AOPEP: variants seen among roughly 807,000 people sequenced by gnomAD.
AOPEP encodes the protein aminopeptidase O (putative), also known as aminopeptidase O.
Under a neutral mutation model 98.1 loss-of-function variants are expected in AOPEP, and 77 were observed. The observed-to-expected ratio is 0.78, with a 90% confidence interval of 0.65 to 0.95. The LOEUF is 0.95. Among genes scored for constraint, AOPEP ranks in the 40% least tolerant of loss-of-function variants. The pLI, the probability that AOPEP is intolerant of heterozygous loss-of-function variation, is 0.00. For synonymous variants in AOPEP, 346 were observed against 365.3 expected, an observed-to-expected ratio of 0.95 and a Z score of 0.60; for missense variants, 1,024 against 1,024.7, an observed-to-expected ratio of 1.00 and a Z score of 0.01.
rs143517169 is a variant in AOPEP at position 94,900,755 on chromosome 9, A to G, written c.1365-23231A>G. On this transcript the variant is annotated intron_variant, in intron 5 of 16. Coordinates refer to ENST00000375315, the MANE Select transcript of AOPEP (RefSeq NM_001193329.3). ...CCTGCTTGAGGAGAGTGGGGCATGT[A>G]GACAATCCAAATGTCATCTATATTT... is the stretch of plus-strand genomic sequence containing the variant. The G allele has an allele frequency of 2.0e-5, 3 of 152,332 alleles. No individual in the cohort carries two copies. In the East Asian group the frequency reaches 5.8e-4, roughly 29 times the overall value. The allele number at this position is 152,332 out of a possible 1,614,324, so 9.4% of individuals were successfully genotyped here.
At chr9:95,064,025 C>T (rs2067599306) in intron 14 of AOPEP, among the ~76,000 whole-genome samples, 1 of 152,150 alleles carries the variant, frequency 6.6e-6, no homozygotes, top group South Asian at 2.1e-4. Context: ...TATACTCTCC[C>T]AAAGTGCCAA....
At chr9:94,801,124 C>T (rs1274451474) in intron 5 of AOPEP, 122 bp downstream of exon 5, 4 of 1,121,878 alleles carry the variant, frequency 3.6e-6, no homozygotes, top group Admixed American at 1.9e-5. Flanking sequence ...TATGGTTGCT[C>T]ATGCTTGGAC....
intron 5 of AOPEP, among the ~76,000 whole-genome samples, chr9:94,867,942 G>A (rs535148965): frequency 3.3e-5 from 5 of 152,248 alleles, no homozygotes; most frequent in East Asian, 3.9e-4. Context: ...ATGAGAGGCC[G>A]GACAGAGTAA....
intron 5 of AOPEP, among the ~76,000 whole-genome samples, chr9:94,918,184 C>T (rs1288416844): frequency 6.6e-6 from 1 of 152,222 alleles, no homozygotes; most frequent in Non-Finnish European, 1.5e-5. Context: ...TTGTCTAACA[C>T]ATGCCCCTGT....
At chr9:95,131,088 T>A in the AOPEP span, among the ~76,000 whole-genome samples, 1 of 152,268 alleles carries the variant, frequency 6.6e-6, no homozygotes, top group Non-Finnish European at 1.5e-5. Flanking sequence ...AGATGTTGTT[T>A]ATACACAAAC....
At chr9:94,775,013 T>C (rs1159798066) in intron 3 of AOPEP, among the ~76,000 whole-genome samples, 5 of 152,202 alleles carry the variant, frequency 3.3e-5, no homozygotes, top group African/African-American at 1.2e-4. Flanking sequence ...TGTCTTATTT[T>C]TCAATTTTAT....
At chr9:94,929,392 G>A (rs376930477) in intron 7 of AOPEP, among the ~76,000 whole-genome samples, 2 of 152,206 alleles carry the variant, frequency 1.3e-5, no homozygotes, top group African/African-American at 2.4e-5. Flanking sequence ...CCCCCACTTC[G>A]CCTGACTGTG....
the AOPEP span, among the ~76,000 whole-genome samples, chr9:95,147,803 AAT>A: frequency 6.6e-6 from 1 of 152,224 alleles, no homozygotes; most frequent in Non-Finnish European, 1.5e-5. Flanking sequence ...GTGATAAATT[AAT>A]ATGTCACCAA....
chr9:94,963,915 C>T (rs1013067791), intron 9 of AOPEP, among the ~76,000 whole-genome samples: 1 of 152,036 alleles, frequency 6.6e-6, no homozygotes, highest in African/African-American at 2.4e-5. Context: ...GTCATAAGTC[C>T]ACTTTAGAGG....
intron 7 of AOPEP, among the ~76,000 whole-genome samples, chr9:94,946,727 A>G (rs528621701): frequency 6.6e-6 from 1 of 152,126 alleles, no homozygotes; most frequent in Admixed American, 6.5e-5. Flanking sequence ...TGAATTTAGC[A>G]TATATACCGC....
intron 5 of AOPEP, among the ~76,000 whole-genome samples, chr9:94,901,191 C>G (rs1175706781): frequency 6.6e-6 from 1 of 152,210 alleles, no homozygotes; most frequent in Non-Finnish European, 1.5e-5. Context: ...TCTTCTCTGA[C>G]TCATGTGGAA....
chr9:94,797,841 T>C (rs927936877), intron 4 of AOPEP, among the ~76,000 whole-genome samples: 11 of 152,068 alleles, frequency 7.2e-5, no homozygotes, highest in Non-Finnish European at 1.2e-4. Context: ...TAGCTGGGAT[T>C]ACAGGCATGC....
chr9:95,041,479 G>GTGTGTGTGTGTGTGTC (rs769423297), intron 13 of AOPEP, among the ~76,000 whole-genome samples: 12 of 151,648 alleles, frequency 7.9e-5, no homozygotes, highest in Non-Finnish European at 1.5e-4. Flanking sequence ...GTGTGTGTGT[G>GTGTGTGTGTGTGTGTC]TGGAGAGGGA....
chr9:95,149,888 A>T, the AOPEP span: 3 of 1,566,610 alleles, frequency 1.9e-6, no homozygotes, highest in Non-Finnish European at 2.6e-6. Flanking sequence ...AAAAGGAAAA[A>T]CGACGCAGGA....
At chr9:94,928,562 C>A (rs2054755302) in intron 7 of AOPEP, 31 bp downstream of exon 7, 3 of 1,436,432 alleles carry the variant, frequency 2.1e-6, no homozygotes, top group East Asian at 2.5e-5. Context: ...ACAGCCCTCT[C>A]ATTCCCCTCC....
At chr9:94,881,269 C>G (rs2047555088) in intron 5 of AOPEP, among the ~76,000 whole-genome samples, 1 of 147,944 alleles carries the variant, frequency 6.8e-6, no homozygotes, top group Non-Finnish European at 1.5e-5. Flanking sequence ...TTTTAAGACA[C>G]AGGATCTGTC....
At chr9:94,946,594 T>C (rs2057656418) in intron 7 of AOPEP, among the ~76,000 whole-genome samples, 1 of 152,226 alleles carries the variant, frequency 6.6e-6, no homozygotes. Context: ...TCCTGTAACA[T>C]CTGCGCAGTC....
At chr9:95,111,044 G>A in the AOPEP span, 1 of 1,462,744 alleles carries the variant, frequency 6.8e-7, no homozygotes, top group Non-Finnish European at 9.0e-7. Context: ...CAAGATGGAA[G>A]CAAGCCCTGG....
chr9:94,817,984 C>G (rs1309182323), intron 5 of AOPEP, among the ~76,000 whole-genome samples: 1 of 152,176 alleles, frequency 6.6e-6, no homozygotes, highest in Non-Finnish European at 1.5e-5. Flanking sequence ...TCCTTGGAAG[C>G]CATCCAGCCA....
Sources: allele counts gnomAD v4.1 joint callset (sites outside exome capture counted in the v4.1 genomes callset), GRCh38; gene constraint gnomAD v4.1.1; transcripts MANE v1.5; gene names NCBI Gene and HGNC (gene_info 2026-07-23, HGNC 2026-07-21).